The following GNAT2 variants were observed in gnomAD, a reference collection of about 807,000 sequenced individuals.
GNAT2 encodes the protein G protein subunit alpha transducin 2, also known as guanine nucleotide-binding protein G(t) subunit alpha-2.
A neutral mutation model predicts 40.9 loss-of-function variants in GNAT2; 32 were observed. The observed-to-expected ratio is 0.78, with a 90% confidence interval of 0.59 to 1.05. The LOEUF (loss-of-function observed/expected upper bound fraction) is 1.05. Among genes scored for constraint, GNAT2 ranks in the 50% least tolerant of loss-of-function variants. GNAT2 has a pLI of 0.00. For synonymous variants in GNAT2, 141 were observed against 157.2 expected, an observed-to-expected ratio of 0.90 and a Z score of 0.77; for missense variants, 355 against 431.5, an observed-to-expected ratio of 0.82 and a Z score of 1.57.
At chr1:109,610,617 G>C (rs918951646) in intron 2 of GNAT2, 110 bp from the exon 3 acceptor site, 33 of 864,462 alleles carry the variant, frequency 3.8e-5, no homozygotes, top group Non-Finnish European at 5.8e-5. Flanking sequence ...CTTGTTAGGG[G>C]AGAATACATA....
At chr1:109,603,906 C>A in intron 8 of GNAT2, 45 bp downstream of exon 8, 1 of 1,388,544 alleles carries the variant, frequency 7.2e-7, no homozygotes, top group South Asian at 1.2e-5. Context: ...AATTGCCAGT[C>A]TCTACTAAAA....
intron 8 of GNAT2, chr1:109,603,750 G>T: frequency 1.5e-6 from 1 of 658,720 alleles, no homozygotes; most frequent in Non-Finnish European, 2.7e-6. Context: ...TTCCACCTTT[G>T]GTTTTCAGTA....
At chr1:109,616,945 G>A (rs886801163) in intron 1 of GNAT2, 3 of 152,440 alleles carry the variant, frequency 2.0e-5, no homozygotes, top group East Asian at 1.9e-4. Context: ...AGGGAAATTG[G>A]AGCCAGCCAG....
chr1:109,610,946 T>G (rs938200699), intron 2 of GNAT2: 1 of 256,538 alleles, frequency 3.9e-6, no homozygotes, highest in Non-Finnish European at 7.7e-6. Flanking sequence ...AGAGTGATCT[T>G]GGGGTAGGAT....
Position 109,603,139 on chromosome 1 carries a change from T to TG in GNAT2, c.*214dup, listed in dbSNP as rs1195955820. 3.7e-5 allele frequency: 7 copies of TG among 189,010 alleles called. No individual in the cohort carries two copies. In the East Asian group the frequency reaches 7.6e-4, roughly 20 times the overall value. 11.7% of individuals were successfully genotyped at this position (189,010 alleles called of 1,614,324 possible). A position where few individuals can be genotyped will look rare whatever the true frequency, so the allele number is the denominator to read the frequency against. ...AAGTTGGAAAACCAGTACTGGAACC[T>TG]GGGGGGTCTTCTAACTACTGGCCTG... On this transcript the variant is annotated 3_prime_UTR_variant, in exon 9 of 9. Transcript: ENST00000679935.
chr1:109,613,337 C>T (rs1398360480), intron 1 of GNAT2: 1 of 236,660 alleles, frequency 4.2e-6, no homozygotes, highest in Non-Finnish European at 8.4e-6. Flanking sequence ...ATGTAGAAAG[C>T]ATTCCTTATG....
Position 109,606,291 on chromosome 1 carries a change from G to C in GNAT2, c.590+17C>G. 1 of 1,613,506 alleles carries C rather than the reference G, an allele frequency of 6.2e-7. No homozygotes were observed. The highest frequency in any genetic ancestry group is 8.5e-7 in the Non-Finnish European group (1 of 1,179,456). On this transcript the variant is annotated intron_variant, in intron 6 of 8. Transcript: ENST00000679935. Reference sequence around the variant, plus strand: ...CCACACGTGTATCCGAGATGCCCTAGGGAACCATGCACTTACCTGAAATTC... The same window carrying C: ...CCACACGTGTATCCGAGATGCCCTACGGAACCATGCACTTACCTGAAATTC...
intron 1 of GNAT2, chr1:109,616,850 A>T (rs1215157139): frequency 6.6e-6 from 1 of 152,320 alleles, no homozygotes; most frequent in Non-Finnish European, 1.5e-5. Context: ...AGGTGTGCTC[A>T]GAGAAGACTG....
chr1:109,605,934 G>A, intron 7 of GNAT2, 36 bp downstream of exon 7: 1 of 1,602,524 alleles, frequency 6.2e-7, no homozygotes, highest in Non-Finnish European at 8.5e-7. Context: ...GGGAGAACTT[G>A]TTCTACCAAA....
intron 2 of GNAT2, 173 bp from the exon 3 acceptor site, chr1:109,610,680 C>T (rs1396556562): frequency 5.9e-6 from 4 of 682,522 alleles, no homozygotes; most frequent in Non-Finnish European, 1.1e-5. Flanking sequence ...GCCATTCAAC[C>T]TGGATTTAGA....
At chr1:109,605,672 G>C in intron 7 of GNAT2, 1 of 391,686 alleles carries the variant, frequency 2.6e-6, no homozygotes, top group Non-Finnish European at 4.9e-6. Context: ...CTAGTTGATG[G>C]TCCCTTATCT....
intron 1 of GNAT2, chr1:109,618,107 T>C (rs1254147829): frequency 6.6e-6 from 1 of 152,194 alleles, no homozygotes; most frequent in African/African-American, 2.4e-5. Context: ...TGGGTATGTA[T>C]TATAATTTCT....
At chr1:109,616,760 C>G (rs1649961769) in intron 1 of GNAT2, 1 of 152,030 alleles carries the variant, frequency 6.6e-6, no homozygotes, top group South Asian at 2.1e-4. Context: ...CACAGAGAAG[C>G]AGAATAACAG....
rs1341429677 is a variant in GNAT2 at position 109,610,064 on chromosome 1, G to A, written c.279C>T (p.Ile93=). ...AIIRAMTTLG[I]DYAEPSCADD... ...CCGCACAGCTTGGTTCAGCATAATCGATGCCCAGTGTGGTCATGGCCCGGA... is the reference window on the plus strand; with the variant it reads ...CCGCACAGCTTGGTTCAGCATAATCAATGCCCAGTGTGGTCATGGCCCGGA... Residue 93 remains isoleucine, a synonymous_variant, in exon 4 of 9, where the codon ATC becomes ATT. Transcript: ENST00000679935. The A allele has an allele frequency of 2.5e-6, 4 of 1,613,824 alleles. No homozygotes were observed. The African/African-American group carries it at 4.0e-5, about 16-fold the overall frequency.
At chr1:109,612,563 C>T (rs1439745859) in intron 2 of GNAT2, 190 bp downstream of exon 2, 2 of 646,056 alleles carry the variant, frequency 3.1e-6, no homozygotes, top group Non-Finnish European at 5.7e-6. Flanking sequence ...TCTGGATCCC[C>T]TTGGGGTGGC....
chr1:109,615,090 T>C (rs1023624853), intron 1 of GNAT2: 1 of 152,256 alleles, frequency 6.6e-6, no homozygotes, highest in African/African-American at 2.4e-5. Flanking sequence ...TATTATGTTA[T>C]AGTTATTATA....
intron 1 of GNAT2, 138 bp from the exon 2 acceptor site, chr1:109,613,061 C>A: frequency 1.5e-6 from 1 of 661,116 alleles, no homozygotes; most frequent in Admixed American, 2.2e-5. Context: ...GACTGAGACT[C>A]CCTACTTCAA....
At position 109,608,747 on chromosome 1, in the gene GNAT2, C is replaced by T. The variant is rs1649700078; in HGVS notation, c.345G>A (p.Glu115=). 2 of 1,614,068 alleles carry T rather than the reference C, an allele frequency of 1.2e-6. No individual in the cohort carries two copies. Among genetic ancestry groups the T allele is most frequent in the South Asian group, 2.2e-5 (2 of 91,080 alleles). The stretch of plus-strand genomic sequence containing the variant: ...CGAGCTCAGGAGGCATGGTTCCCTC[C>T]TCAATGGAGTCAGCCAGGTTGTTGA... The part of the protein sequence containing the change: ...RQLNNLADSI[E]EGTMPPELVE... The change falls in exon 5 of 9, where the codon GAG becomes GAA. Residue 115 remains glutamate, a synonymous_variant. Coordinates refer to ENST00000679935, the MANE Select transcript of GNAT2 (RefSeq NM_001377295.2).
In GNAT2 at chr1:109,610,130, A is replaced by C. The variant is rs577261001; in HGVS notation, c.213T>G (p.Ala71=). The change falls in exon 4 of 9, where the codon GCT becomes GCG. Residue 71 remains alanine, a synonymous_variant. Coordinates refer to ENST00000679935, the MANE Select transcript of GNAT2 (RefSeq NM_001377295.2). ...ACTGCAGCACATTTCCATAGATGAT[A>C]GCCTTGAACTCCAGGCATTCTTCTG... is the stretch of plus-strand genomic sequence containing the variant. ...YSPEECLEFK[A]IIYGNVLQSI... 177 of 1,613,368 alleles carry C rather than the reference A, an allele frequency of 1.1e-4. 3 individuals carry two copies. The South Asian group carries it at 1.8e-3, about 17-fold the overall frequency.
Sources: gnomAD v4.1 joint callset for allele counts on GRCh38, gnomAD v4.1.1 for gene constraint, MANE v1.5 for transcripts, NCBI Gene and HGNC (gene_info 2026-07-23, HGNC 2026-07-21) for gene names.